Variants in IL9R observed in about 807,000 individuals in gnomAD.
The protein encoded by IL9R is interleukin 9 receptor, also known as interleukin-9 receptor.
IL9R carries 54 observed loss-of-function variants against 56.3 expected under a neutral mutation model. The observed-to-expected ratio is 0.96, with a 90% CI of 0.77 to 1.20. The LOEUF (loss-of-function observed/expected upper bound fraction) is 1.20. Among genes scored for constraint, IL9R ranks in the 50% most tolerant of loss-of-function variants. The pLI is 0.00. For missense variants in IL9R, 545 were observed against 629.8 expected (o/e 0.87, Z 1.44); for synonymous variants, 212 against 250.2 (o/e 0.85, Z 1.44).
intron 5 of IL9R, 38 bp downstream of exon 5, chrX:156,004,603 C>G: frequency 6.2e-7 from 1 of 1,606,672 alleles, no homozygotes; most frequent in Non-Finnish European, 8.5e-7. Context: ...GGCCTCTCTC[C>G]TGGGAACAGC....
chrX:156,005,621 G>T, intron 6 of IL9R, 142 bp downstream of exon 6: 1 of 708,506 alleles, frequency 1.4e-6, no homozygotes, highest in Non-Finnish European at 2.5e-6. Flanking sequence ...CCCTTCCTCT[G>T]AAGGTCTGAG....
At chrX:156,005,946 G>T in intron 6 of IL9R, 137 bp from the exon 7 acceptor site, 1 of 639,556 alleles carries the variant, frequency 1.6e-6, no homozygotes, top group South Asian at 1.9e-5. Flanking sequence ...TTCAGCAGGT[G>T]ACACAAACCT....
chrX:156,001,559 T>C, intron 1 of IL9R: 1 of 1,261,818 alleles, frequency 7.9e-7, no homozygotes. Flanking sequence ...TATGGGTACC[T>C]GTATACGCTG....
In IL9R at chrX:156,005,409, G is replaced by T. The variant is rs1178079637; in HGVS notation, c.711G>T (p.Glu237Asp). ...QMATLEDDVV[E>D]EERYTGQWSE... ...CCACACTGGAGGATGATGTGGTAGA[G>T]GAGGAGCGTTATACAGGCCAGTGGA... is the stretch of plus-strand genomic sequence containing the variant. The change falls in exon 6 of 9, where the codon GAG becomes GAT. Residue 237 changes from glutamate to aspartate, a missense_variant. Transcript: ENST00000244174. 1.2e-6 allele frequency: 2 copies of T among 1,613,112 alleles called. No homozygotes were observed. Among genetic ancestry groups the T allele is most frequent in the East Asian group, 2.2e-5 (1 of 44,884 alleles).
intron 7 of IL9R, among the ~76,000 whole-genome samples, chrX:156,006,934 A>G (rs1236401558): frequency 6.6e-6 from 1 of 151,092 alleles, no homozygotes; most frequent in Non-Finnish European, 1.5e-5. Flanking sequence ...AGCCAGTGAA[A>G]GAAGTGGAGA....
At position 156,003,026 on chromosome X, in the gene IL9R, G is replaced by T; in HGVS notation, c.142+7G>T. On this transcript the variant is annotated splice_region_variant and intron_variant, in intron 2 of 8. Coordinates refer to ENST00000244174, the MANE Select transcript of IL9R (RefSeq NM_002186.3). ...GTCACAGGGGAAGGACAAGGTGAGG[G>T]CTGGGCACTAATGTCTGTATGAGGT... 1 of 1,613,808 alleles carries T rather than the reference G, an allele frequency of 6.2e-7. No individual in the cohort carries two copies. The highest frequency in any genetic ancestry group is 8.5e-7 in the Non-Finnish European group (1 of 1,179,822).
chrX:156,005,080 G>A (rs993771030), intron 5 of IL9R, among the ~76,000 whole-genome samples, 198 bp from the exon 6 acceptor site: 5 of 152,040 alleles, frequency 3.3e-5, no homozygotes, highest in African/African-American at 1.2e-4. Context: ...GTATTTGTGG[G>A]CAAACGCAGC....
At chrX:156,008,095 C>G (rs1036501073) in intron 8 of IL9R, 14 of 219,642 alleles carry the variant, frequency 6.4e-5, no homozygotes, top group Non-Finnish European at 1.1e-4. Context: ...ACTTCCCCCC[C>G]TTCCACCCAT....
rs374940167 is a variant in IL9R at position 155,997,812 on chromosome X, A to G, written c.28+25A>G. ...GGTGAGTCTGTGCTTTGGGCTTCCC[A>G]ACCTCTCAAGTCAGCATGAAATTCA... On this transcript the variant is annotated intron_variant, in intron 1 of 8. Coordinates refer to ENST00000244174, the MANE Select transcript of IL9R (RefSeq NM_002186.3). 41 of 1,609,182 alleles carry G rather than the reference A, an allele frequency of 2.5e-5. 1 individual carries two copies. Among genetic ancestry groups the G allele is most frequent in the Non-Finnish European group, 3.5e-5 (41 of 1,175,848 alleles).
rs2067866506 is a variant in IL9R at position 156,005,489 on chromosome X, G to T, written c.781+10G>T. The T allele has an allele frequency of 6.2e-7, 1 of 1,609,004 alleles. No individual in the cohort carries two copies. Among genetic ancestry groups the T allele is most frequent in the Non-Finnish European group, 8.5e-7 (1 of 1,176,610 alleles). On this transcript the variant is annotated intron_variant, in intron 6 of 8. Coordinates refer to ENST00000244174, the MANE Select transcript of IL9R (RefSeq NM_002186.3). ...GCTCCCCAGAGACAAGGTGGGCACT[G>T]CTGTGGCTGCTGCACTTCCAGCGGA...
intron 1 of IL9R, 74 bp downstream of exon 1, chrX:155,997,861 C>CCT: frequency 6.3e-6 from 9 of 1,419,072 alleles, no homozygotes; most frequent in South Asian, 1.2e-5. Context: ...GACATGTGGC[C>CCT]CTCCAACTCG....
Position 156,006,316 on chromosome X carries a change from C to A in IL9R, c.887+128C>A, listed in dbSNP as rs1484701335. 4.7e-6 allele frequency: 3 copies of A among 643,584 alleles called. No homozygotes were observed. In the African/African-American group the frequency reaches 5.7e-5, roughly 12 times the overall value. The allele number at this position is 643,584 out of a possible 1,614,324, so 39.9% of individuals were successfully genotyped here. ...TGGTGGGTGGGCCATCAAGGGCCGC[C>A]CTTGTCTGGTTCCTCCCCTCCCCTC... On this transcript the variant is annotated intron_variant, in intron 7 of 8. Coordinates refer to ENST00000244174, the MANE Select transcript of IL9R (RefSeq NM_002186.3).
At chrX:155,997,833 A>T (rs1316438765) in intron 1 of IL9R, 46 bp downstream of exon 1, 2 of 1,577,516 alleles carry the variant, frequency 1.3e-6, no homozygotes, top group African/African-American at 2.7e-5. Flanking sequence ...TCAGCATGAA[A>T]TTCAGAAGGC....
intron 1 of IL9R, among the ~76,000 whole-genome samples, chrX:156,000,122 C>A (rs914857867): frequency 7.3e-6 from 1 of 137,626 alleles, no homozygotes; most frequent in Non-Finnish European, 1.5e-5. Flanking sequence ...AGCGACAGAG[C>A]GAGACTCCGT....
chrX:156,004,706 C>G (rs893157774), intron 5 of IL9R, 141 bp downstream of exon 5: 1 of 795,712 alleles, frequency 1.3e-6, no homozygotes, highest in African/African-American at 1.7e-5. Flanking sequence ...TGCACACACA[C>G]ATGCTGGCAT....
chrX:156,007,386 T>C (rs973978584), intron 7 of IL9R, 137 bp from the exon 8 acceptor site: 8 of 678,452 alleles, frequency 1.2e-5, no homozygotes, highest in African/African-American at 3.7e-5. Flanking sequence ...TGGGTTGGAA[T>C]GTGATGAGAT....
Position 156,004,462 on chromosome X carries a change from C to G in IL9R, c.476C>G (p.Ser159Cys). 4 of 1,613,896 alleles carry G rather than the reference C, an allele frequency of 2.5e-6. No individual in the cohort carries two copies. The highest frequency in any genetic ancestry group is 3.4e-6 in the Non-Finnish European group (4 of 1,179,834). The stretch of plus-strand genomic sequence containing the variant: ...TCTGACTTGCAGAGCAACATCAGTT[C>G]TGGCCACTGCATCCTGACCTGGAGC... The part of the protein sequence containing the change: ...PPSDLQSNIS[S>C]GHCILTWSIS... Residue 159 changes from serine (S) to cysteine (C), a missense_variant, in exon 5 of 9, where the codon TCT (serine) becomes TGT (cysteine). Around this residue, in one of 2 missense-constraint regions of IL9R, gnomAD observed 431 missense variants for 360.0 expected, o/e 1.20. Transcript: ENST00000244174.
chrX:156,005,386 A>C lies in IL9R; in HGVS notation c.688A>C (p.Thr230Pro), dbSNP rs202105500. Residue 230 changes from threonine to proline, a missense_variant, in exon 6 of 9, where the codon ACA (threonine) becomes CCA (proline). Transcript: ENST00000244174. ...HEARLRVQMATLEDDVVEEER... is the reference protein window; with the variant it reads ...HEARLRVQMAPLEDDVVEEER... ...GGCCAGGCTGCGTGTCCAGATGGCC[A>C]CACTGGAGGATGATGTGGTAGAGGA... The C allele has an allele frequency of 6.2e-7, 1 of 1,613,034 alleles. No homozygotes were observed. The highest frequency in any genetic ancestry group is 1.3e-5 in the African/African-American group (1 of 74,998).
At chrX:156,006,342 T>C (rs2067952300) in intron 7 of IL9R, among the ~76,000 whole-genome samples, 154 bp downstream of exon 7, 1 of 149,908 alleles carries the variant, frequency 6.7e-6, no homozygotes, top group African/African-American at 2.5e-5. Flanking sequence ...CCCTCCCCTC[T>C]CCACTGCCTG....
Sources: gnomAD v4.1 joint callset for allele counts (sites outside exome capture counted in the v4.1 genomes callset) on GRCh38, gnomAD v4.1.1 for gene constraint, gnomAD v4.1.1 regional missense constraint, MANE v1.5 for transcripts, NCBI Gene and HGNC (gene_info 2026-07-23, HGNC 2026-07-21) for gene names.